Variants in CYFIP2 observed in about 807,000 individuals in gnomAD.
CYFIP2 encodes the protein cytoplasmic FMR1-interacting protein 2.
CYFIP2 carries 29 observed loss-of-function variants against 158.7 expected under a neutral mutation model. The observed-to-expected ratio is 0.18, with a 90% confidence interval of 0.14 to 0.25. The LOEUF is 0.25. Ranked by LOEUF, CYFIP2 falls within the 10% of genes least tolerant of loss-of-function variation. The probability of loss-of-function intolerance (pLI) is 1.00; values close to 1 mark genes in which losing one functional copy is unlikely to be tolerated. For missense variants in CYFIP2, 852 were observed against 1,639.5 expected (o/e 0.52, Z 8.29); for synonymous variants, 585 against 617.6 (o/e 0.95, Z 0.78).
intron 28 of CYFIP2, chr5:157,384,269 G>A (rs779145327): frequency 5.3e-5 from 24 of 456,636 alleles, no homozygotes; most frequent in Middle Eastern, 3.2e-4. Context: ...GGGGGAGAGC[G>A]GAGAAACAAA....
intron 17 of CYFIP2, 131 bp downstream of exon 17, chr5:157,325,769 G>A: frequency 1.0e-6 from 1 of 972,708 alleles, no homozygotes; most frequent in Non-Finnish European, 1.5e-6. Context: ...CCACCACAGG[G>A]AGAGCTCAGC....
At chr5:157,338,999 C>G in intron 21 of CYFIP2, 58 bp from the exon 22 acceptor site, 2 of 1,498,906 alleles carry the variant, frequency 1.3e-6, no homozygotes, top group Non-Finnish European at 1.8e-6. Flanking sequence ...AGATAAAACA[C>G]ACACATGTAA....
chr5:157,366,159 T>G (rs184450998), intron 26 of CYFIP2, among the ~76,000 whole-genome samples: 1 of 152,210 alleles, frequency 6.6e-6, no homozygotes, highest in African/African-American at 2.4e-5. Context: ...CTGGGGGGGC[T>G]GTCATGTTTC....
intron 21 of CYFIP2, 81 bp downstream of exon 21, chr5:157,333,527 G>A (rs1190361346): frequency 5.0e-6 from 8 of 1,589,196 alleles, no homozygotes; most frequent in Non-Finnish European, 6.9e-6. Context: ...AGTTAGTCTA[G>A]TGCTGGGCCA....
intron 1 of CYFIP2, among the ~76,000 whole-genome samples, chr5:157,268,808 G>C (rs139030371): frequency 7.5e-4 from 115 of 152,342 alleles, no homozygotes; most frequent in African/African-American, 2.7e-3. Context: ...ATTCTGAGGA[G>C]CAAAGCCATG....
chr5:157,325,142 G>A (rs937421526), intron 16 of CYFIP2, among the ~76,000 whole-genome samples: 5 of 151,950 alleles, frequency 3.3e-5, no homozygotes, highest in African/African-American at 4.8e-5. Flanking sequence ...GCCCGGCCAC[G>A]AGCGTACTTT....
intron 13 of CYFIP2, among the ~76,000 whole-genome samples, chr5:157,318,711 G>T (rs7445948): frequency 6.6e-6 from 1 of 152,024 alleles, no homozygotes; most frequent in Non-Finnish European, 1.5e-5. Flanking sequence ...GCAGTTGGGC[G>T]TGCACAGCAT....
chr5:157,331,628 G>C (rs1392362141), intron 20 of CYFIP2, among the ~76,000 whole-genome samples: 1 of 151,968 alleles, frequency 6.6e-6, no homozygotes, highest in Non-Finnish European at 1.5e-5. Flanking sequence ...ATTAAGAGGG[G>C]GGAAAAATAG....
Position 157,389,439 on chromosome 5 carries a change from C to T in CYFIP2, c.3446+12C>T. ...GAGTTCACAGCTGAGTGAGTACCCC[C>T]CAGAGAAGGCAGGGTTACCCCCAAC... On this transcript the variant is annotated intron_variant, in intron 29 of 30. Transcript: ENST00000620254. 1 of 1,559,742 alleles carries T rather than the reference C, an allele frequency of 6.4e-7. No homozygotes were observed. Among genetic ancestry groups the T allele is most frequent in the Non-Finnish European group, 8.7e-7 (1 of 1,146,786 alleles).
chr5:157,359,203 C>T, intron 24 of CYFIP2, 55 bp downstream of exon 24: 6 of 1,599,890 alleles, frequency 3.8e-6, no homozygotes, highest in South Asian at 1.1e-5. Flanking sequence ...TTGACATAAA[C>T]AAAGTTTGCT....
At chr5:157,333,000 A>T (rs9313544) in intron 20 of CYFIP2, among the ~76,000 whole-genome samples, 70,568 of 151,926 alleles carry the variant, frequency 0.46, 18,240 homozygotes, top group African/African-American at 0.71. Flanking sequence ...AGCAGGGTTT[A>T]ATTGGGTGAA....
intron 28 of CYFIP2, among the ~76,000 whole-genome samples, chr5:157,385,966 AC>A (rs1297110330): frequency 3.9e-5 from 6 of 152,176 alleles, no homozygotes; most frequent in African/African-American, 1.4e-4. Context: ...TCCCTACATA[AC>A]ACCAAACTGC....
chr5:157,309,901 G>A, intron 10 of CYFIP2, 67 bp downstream of exon 10: 2 of 1,417,174 alleles, frequency 1.4e-6, no homozygotes, highest in South Asian at 1.2e-5. Context: ...GAGCCGAGGG[G>A]CCACTTCAGC....
At chr5:157,267,137 T>G (rs978062906) in intron 1 of CYFIP2, among the ~76,000 whole-genome samples, 1 of 152,152 alleles carries the variant, frequency 6.6e-6, no homozygotes, top group African/African-American at 2.4e-5. Flanking sequence ...ATTTTGACCT[T>G]TGCTTGCCTA....
intron 13 of CYFIP2, among the ~76,000 whole-genome samples, chr5:157,316,750 G>T (rs1367121099): frequency 1.3e-5 from 2 of 152,166 alleles, no homozygotes; most frequent in Non-Finnish European, 2.9e-5. Context: ...CCATCCCAGG[G>T]TTATTGTGGA....
chr5:157,343,277 T>G, intron 23 of CYFIP2: 1 of 1,614,102 alleles, frequency 6.2e-7, no homozygotes, highest in Non-Finnish European at 8.5e-7. Context: ...GGTGCAGTAG[T>G]GCCTGTAAGG....
intron 16 of CYFIP2, chr5:157,324,729 CTG>C (rs1243041016): frequency 2.6e-5 from 4 of 151,302 alleles, no homozygotes; most frequent in African/African-American, 4.9e-5. Context: ...TGTCTTGACA[CTG>C]TGTTTGTATA....
chr5:157,322,809 G>A, intron 15 of CYFIP2: 2 of 889,298 alleles, frequency 2.2e-6, no homozygotes, highest in Non-Finnish European at 3.4e-6. Flanking sequence ...GTGGCCCCCG[G>A]CAGTCGCGGC....
chr5:157,325,440 A>T (rs1284816054), intron 16 of CYFIP2, 42 bp from the exon 17 acceptor site: 1 of 1,552,458 alleles, frequency 6.4e-7, no homozygotes, highest in African/African-American at 1.4e-5. Context: ...AAGGTCTTTT[A>T]GTTCTAAAAG....
Sources: allele counts gnomAD v4.1 joint callset (sites outside exome capture counted in the v4.1 genomes callset), GRCh38; gene constraint gnomAD v4.1.1; transcripts MANE v1.5; gene names NCBI Gene and HGNC (gene_info 2026-07-23, HGNC 2026-07-21).